The following WWOX variants were observed in gnomAD, a reference collection of about 807,000 sequenced individuals.
WWOX encodes WW domain containing oxidoreductase, also known as WW domain-containing oxidoreductase.
Under a neutral mutation model 46.2 loss-of-function variants are expected in WWOX, and 69 were observed. That is an observed-to-expected ratio of 1.49 (90% CI 1.23 to 1.82). The LOEUF (loss-of-function observed/expected upper bound fraction) is 1.82. Among genes scored for constraint, WWOX ranks in the 40% most tolerant of loss-of-function variants. The pLI, the probability that WWOX is intolerant of heterozygous loss-of-function variation, is 0.00. For missense variants in WWOX, 919 were observed against 542.6 expected (o/e 1.69, Z -6.89); for synonymous variants, 359 against 202.6 (o/e 1.77, Z -6.56).
At chr16:78,993,072 C>A (rs753301966) in intron 8 of WWOX, among the ~76,000 whole-genome samples, 20 of 151,914 alleles carry the variant, frequency 1.3e-4, no homozygotes, top group Non-Finnish European at 2.8e-4. Flanking sequence ...CACATTTTCC[C>A]CTTCTTTCGG....
chr16:78,793,955 G>T (rs1010383538), intron 8 of WWOX, among the ~76,000 whole-genome samples: 4 of 152,130 alleles, frequency 2.6e-5, no homozygotes, highest in Non-Finnish European at 5.9e-5. Context: ...TGTAGGGCAG[G>T]TAGGGCTCAG....
intron 8 of WWOX, among the ~76,000 whole-genome samples, chr16:78,555,680 A>G (rs569338381): frequency 1.1e-4 from 17 of 151,870 alleles, no homozygotes; most frequent in East Asian, 3.9e-4. Context: ...AAAAGGGACA[A>G]TGTTCACCCT....
intron 8 of WWOX, among the ~76,000 whole-genome samples, chr16:79,000,313 C>T (rs373519425): frequency 7.2e-5 from 11 of 152,138 alleles, no homozygotes; most frequent in African/African-American, 2.4e-4. Flanking sequence ...ATGTCCAGGC[C>T]CTACTCCTAA....
chr16:78,473,686 A>T (rs1344761701), intron 8 of WWOX, among the ~76,000 whole-genome samples: 1 of 152,180 alleles, frequency 6.6e-6, no homozygotes, highest in African/African-American at 2.4e-5. Flanking sequence ...GTCTTAAACA[A>T]GTCCCAACCT....
In WWOX at chr16:78,527,958, C is replaced by T. The variant is rs150544199; in HGVS notation, c.1056+95206C>T. ...AGCTCTGTGCCATTGTGCAAAGATTCAAGGTGGCTATGTCACAGGACTGGT... is the reference window on the plus strand; with the variant it reads ...AGCTCTGTGCCATTGTGCAAAGATTTAAGGTGGCTATGTCACAGGACTGGT... On this transcript the variant is annotated intron_variant, in intron 8 of 8. Coordinates refer to ENST00000566780, the MANE Select transcript of WWOX (RefSeq NM_016373.4). Among the ~76,000 whole-genome samples the T allele has an allele frequency of 7.8e-4, 111 of 142,214 alleles. 1 individual carries two copies. The highest frequency in any genetic ancestry group is 2.6e-3 in the African/African-American group (99 of 37,800). 93.3% of individuals were successfully genotyped at this position (142,214 alleles called of 152,430 possible). A position where few individuals can be genotyped will look rare whatever the true frequency, so the allele number is the denominator to read the frequency against.
chr16:78,334,818 A>G (rs935243352), intron 5 of WWOX, among the ~76,000 whole-genome samples: 1,241 of 82,636 alleles, frequency 0.015, 7 homozygotes, highest in Middle Eastern at 0.052. Context: ...GCACACACAC[A>G]CACACACACA....
At chr16:78,906,824 A>T (rs2044977603) in intron 8 of WWOX, among the ~76,000 whole-genome samples, 1 of 152,232 alleles carries the variant, frequency 6.6e-6, no homozygotes, top group African/African-American at 2.4e-5. Flanking sequence ...CATTTGCTCT[A>T]AACCAGCAGT....
chr16:78,370,155 A>G (rs964068948), intron 5 of WWOX, among the ~76,000 whole-genome samples: 8 of 129,724 alleles, frequency 6.2e-5, no homozygotes, highest in African/African-American at 1.4e-4. Context: ...AAAAAAGGGC[A>G]TGGATCTAGA....
intron 5 of WWOX, among the ~76,000 whole-genome samples, chr16:78,193,982 A>G (rs1269335856): frequency 1.3e-5 from 2 of 150,910 alleles, no homozygotes; most frequent in African/African-American, 2.4e-5. Flanking sequence ...GGTTCCTGCC[A>G]TTCTCTTGCC....
intron 8 of WWOX, among the ~76,000 whole-genome samples, chr16:78,848,951 T>G (rs1360356563): frequency 6.6e-6 from 1 of 152,198 alleles, no homozygotes; most frequent in Admixed American, 6.5e-5. Context: ...TATTTCTATT[T>G]AGGGGTAAAG....
intron 6 of WWOX, among the ~76,000 whole-genome samples, chr16:78,416,049 A>G (rs2082790723): frequency 6.6e-6 from 1 of 152,180 alleles, no homozygotes; most frequent in South Asian, 2.1e-4. Flanking sequence ...GGCTCTAAAC[A>G]AGGAGGACAA....
chr16:78,513,982 A>C (rs2085428031), intron 8 of WWOX, among the ~76,000 whole-genome samples: 1 of 150,328 alleles, frequency 6.7e-6, no homozygotes, highest in Non-Finnish European at 1.5e-5. Context: ...GTCTGTTACA[A>C]GTCCTGGTTC....
intron 8 of WWOX, among the ~76,000 whole-genome samples, chr16:78,760,826 A>C (rs902229016): frequency 1.3e-5 from 2 of 152,184 alleles, no homozygotes; most frequent in African/African-American, 4.8e-5. Context: ...CAATTTACAA[A>C]AGAAAGAGGT....
At chr16:78,719,030 A>G (rs2048633434) in intron 8 of WWOX, among the ~76,000 whole-genome samples, 2 of 152,146 alleles carry the variant, frequency 1.3e-5, no homozygotes, top group South Asian at 4.1e-4. Flanking sequence ...AGGTGGGTGA[A>G]GGGACAAGTA....
At chr16:79,172,738 C>G (rs1265984530) in intron 8 of WWOX, among the ~76,000 whole-genome samples, 1 of 152,068 alleles carries the variant, frequency 6.6e-6, no homozygotes, top group Non-Finnish European at 1.5e-5. Context: ...ACCTAAATGC[C>G]TTCACGGCCA....
intron 5 of WWOX, among the ~76,000 whole-genome samples, chr16:78,254,590 C>G (rs997683083): frequency 1.2e-3 from 166 of 144,128 alleles, no homozygotes; most frequent in Non-Finnish European, 1.0e-3. Context: ...ACTGCAACCT[C>G]TACCTCCCAG....
intron 8 of WWOX, among the ~76,000 whole-genome samples, chr16:79,135,317 A>G (rs1207166635): frequency 6.6e-6 from 1 of 152,164 alleles, no homozygotes; most frequent in African/African-American, 2.4e-5. Flanking sequence ...ATTGTTCTAT[A>G]CCTTTCCTTT....
At chr16:78,467,260 TA>T (rs1374743184) in intron 8 of WWOX, among the ~76,000 whole-genome samples, 1 of 152,232 alleles carries the variant, frequency 6.6e-6, no homozygotes, top group African/African-American at 2.4e-5. Context: ...CCACCCATGT[TA>T]ATTAGATATG....
At chr16:78,324,380 C>T (rs1216999001) in intron 5 of WWOX, among the ~76,000 whole-genome samples, 2 of 152,042 alleles carry the variant, frequency 1.3e-5, no homozygotes, top group Non-Finnish European at 2.9e-5. Context: ...GGAAAACAGT[C>T]GGCGGTTCCT....
Sources: gnomAD v4.1 joint callset for allele counts (sites outside exome capture counted in the v4.1 genomes callset) on GRCh38, gnomAD v4.1.1 for gene constraint, MANE v1.5 for transcripts, NCBI Gene and HGNC (gene_info 2026-07-23, HGNC 2026-07-21) for gene names.